The following CHST11 variants were observed in gnomAD, a reference collection of about 807,000 sequenced individuals.
The protein encoded by CHST11 is C4S-1.
Under a neutral mutation model 30.4 loss-of-function variants are expected in CHST11, and 9 were observed. The observed-to-expected ratio is 0.30, with a 90% confidence interval of 0.18 to 0.52. The LOEUF is 0.52. Ranked by LOEUF, CHST11 falls within the 20% of genes least tolerant of loss-of-function variation. The pLI, the probability that CHST11 is intolerant of heterozygous loss-of-function variation, is 0.97. For synonymous variants in CHST11, 152 were observed against 187.8 expected (o/e 0.81, Z 1.56); for missense variants, 348 against 460.6 (o/e 0.76, Z 2.24).
At chr12:104,679,121 T>A (rs73388193) in intron 2 of CHST11, among the ~76,000 whole-genome samples, 284 of 152,298 alleles carry the variant, frequency 1.9e-3, no homozygotes, top group African/African-American at 6.4e-3. Context: ...GATGTTCCTA[T>A]CTTCGTAGTA....
At chr12:104,669,077 C>T (rs969331952) in intron 2 of CHST11, among the ~76,000 whole-genome samples, 3 of 152,212 alleles carry the variant, frequency 2.0e-5, no homozygotes, top group Non-Finnish European at 2.9e-5. Flanking sequence ...GAGGAAGTCC[C>T]CACTGCAGCG....
At chr12:104,471,142 A>G (rs557255621) in intron 1 of CHST11, among the ~76,000 whole-genome samples, 4 of 152,308 alleles carry the variant, frequency 2.6e-5, no homozygotes, top group East Asian at 1.9e-4. Flanking sequence ...ATGAGGGGAT[A>G]GATGTCCTTC....
chr12:104,709,957 G>A (rs926827443), intron 2 of CHST11, among the ~76,000 whole-genome samples: 4 of 152,186 alleles, frequency 2.6e-5, no homozygotes, highest in Admixed American at 2.0e-4. Context: ...AGCATTTTGG[G>A]ACACCGAGGT....
chr12:104,572,884 A>T (rs1173560915), intron 1 of CHST11, among the ~76,000 whole-genome samples: 1 of 152,192 alleles, frequency 6.6e-6, no homozygotes, highest in Non-Finnish European at 1.5e-5. Flanking sequence ...CAGGAGAAGG[A>T]AATAAAGGGT....
intron 2 of CHST11, among the ~76,000 whole-genome samples, chr12:104,674,116 G>A (rs1399285550): frequency 1.3e-5 from 2 of 152,214 alleles, no homozygotes; most frequent in African/African-American, 4.8e-5. Flanking sequence ...TCCCAGAGCA[G>A]GATTTTTTTG....
At chr12:104,466,470 C>T (rs569106460) in intron 1 of CHST11, among the ~76,000 whole-genome samples, 94 of 152,330 alleles carry the variant, frequency 6.2e-4, no homozygotes, top group African/African-American at 2.0e-3. Flanking sequence ...CCTCGTGACC[C>T]CATCTCCATG....
chr12:104,567,370 A>G, intron 1 of CHST11, among the ~76,000 whole-genome samples: 1 of 152,192 alleles, frequency 6.6e-6, no homozygotes, highest in East Asian at 1.9e-4. Context: ...TAGAGGGTAG[A>G]GAAACATTTG....
chr12:104,551,213 T>A (rs1446142713), intron 1 of CHST11, among the ~76,000 whole-genome samples: 1 of 152,188 alleles, frequency 6.6e-6, no homozygotes, highest in Non-Finnish European at 1.5e-5. Context: ...CAGCAGACTT[T>A]CGACAGGAAA....
Position 104,729,133 on chromosome 12 carries a change from G to A in CHST11, c.205-27816G>A, listed in dbSNP as rs529942646. ...GTTGTTTTAAGGATAACAGCAAGCA[G>A]GAAACAAAAGAGACAGAAAAAACAC... On this transcript the variant is annotated intron_variant, in intron 2 of 2. Coordinates refer to ENST00000303694, the MANE Select transcript of CHST11 (RefSeq NM_018413.6). This position sits in a 1 kb window ranked among gnomAD's most constrained non-coding sequence, Gnocchi z 4.0. Among the ~76,000 whole-genome samples the A allele has an allele frequency of 2.0e-5, 3 of 152,224 alleles. No individual in the cohort carries two copies. In the East Asian group the frequency reaches 5.8e-4, roughly 29 times the overall value.
intron 1 of CHST11, among the ~76,000 whole-genome samples, chr12:104,500,515 G>C (rs746391534): frequency 2.0e-5 from 3 of 151,424 alleles, no homozygotes; most frequent in Non-Finnish European, 4.4e-5. Flanking sequence ...ACCAACACGA[G>C]ACTTATTCGT....
intron 2 of CHST11, among the ~76,000 whole-genome samples, chr12:104,627,072 T>G (rs1468695365): frequency 6.6e-6 from 1 of 152,208 alleles, no homozygotes; most frequent in African/African-American, 2.4e-5. Context: ...TTTTCCAGAA[T>G]GTCATATAGT....
At chr12:104,514,587 C>T (rs975483651) in intron 1 of CHST11, 6 of 394,532 alleles carry the variant, frequency 1.5e-5, no homozygotes, top group East Asian at 1.1e-4. Flanking sequence ...AGGCTGTACA[C>T]GAAGTATGAC....
chr12:104,551,071 G>C (rs2038399880), intron 1 of CHST11, among the ~76,000 whole-genome samples: 1 of 152,162 alleles, frequency 6.6e-6, no homozygotes, highest in African/African-American at 2.4e-5. Context: ...CAGGCTTTGG[G>C]CTATTTCAAA....
intron 1 of CHST11, among the ~76,000 whole-genome samples, chr12:104,534,954 T>C (rs182180346): frequency 2.0e-5 from 3 of 152,242 alleles, no homozygotes. Context: ...AGATGTGAAT[T>C]ATACATTTTT....
At chr12:104,649,575 T>C (rs2039471891) in intron 2 of CHST11, among the ~76,000 whole-genome samples, 1 of 152,158 alleles carries the variant, frequency 6.6e-6, no homozygotes, top group Non-Finnish European at 1.5e-5. Flanking sequence ...TAGACCAACC[T>C]AAGGGGGAGT....
At chr12:104,634,582 CTG>C (rs2136070128) in intron 2 of CHST11, among the ~76,000 whole-genome samples, 1 of 152,344 alleles carries the variant, frequency 6.6e-6, no homozygotes, top group Non-Finnish European at 1.5e-5. Flanking sequence ...TCTTCAACTT[CTG>C]TGTATTTTTG....
At chr12:104,559,188 G>A (rs2038489403) in intron 1 of CHST11, among the ~76,000 whole-genome samples, 1 of 152,102 alleles carries the variant, frequency 6.6e-6, no homozygotes, top group African/African-American at 2.4e-5. Context: ...ACCTCTCTAG[G>A]TATCGCCTCT....
intron 1 of CHST11, among the ~76,000 whole-genome samples, chr12:104,541,120 T>TCA (rs1300432243): frequency 8.9e-5 from 4 of 45,066 alleles, no homozygotes; most frequent in Non-Finnish European, 1.9e-4. Context: ...TCTCCCTCTC[T>TCA]CTCTCTCTCT....
At chr12:104,663,631 G>C (rs703662) in intron 2 of CHST11, among the ~76,000 whole-genome samples, 26,585 of 151,944 alleles carry the variant, frequency 0.17, 2,476 homozygotes, top group Non-Finnish European at 0.19. Flanking sequence ...TGTTCAAAGG[G>C]GGCTCATACA....
Sources: allele counts gnomAD v4.1 joint callset (sites outside exome capture counted in the v4.1 genomes callset), GRCh38; gene constraint gnomAD v4.1.1; non-coding constraint Gnocchi (gnomAD v3.1); transcripts MANE v1.5; gene names NCBI Gene and HGNC (gene_info 2026-07-23, HGNC 2026-07-21).